The following ZNF609 variants were observed in gnomAD, a reference collection of about 807,000 sequenced individuals.
ZNF609 encodes the protein zinc finger protein 609.
In ZNF609, 11 loss-of-function variants were observed where a neutral mutation model predicts 109.5. The ratio of observed to expected loss-of-function variants is 0.10; its 90% CI spans 0.06 to 0.17. ZNF609 has a LOEUF of 0.17. ZNF609 is among the 10% of genes least tolerant of loss of function. ZNF609 has a pLI of 1.00. For synonymous variants in ZNF609, 646 were observed against 662.0 expected (o/e 0.98, Z 0.37); for missense variants, 1,559 against 1,772.4 (o/e 0.88, Z 2.16).
At chr15:64,636,857 C>T (rs534990331) in intron 3 of ZNF609, among the ~76,000 whole-genome samples, 4 of 152,310 alleles carry the variant, frequency 2.6e-5, no homozygotes, top group Admixed American at 6.5e-5. Flanking sequence ...TTCCCAGCCA[C>T]TTGTCTACAG....
chr15:64,612,839 A>G (rs573422351), intron 2 of ZNF609, among the ~76,000 whole-genome samples: 6 of 151,544 alleles, frequency 4.0e-5, no homozygotes, highest in African/African-American at 1.5e-4. Context: ...ACATGGTGAA[A>G]CTCTGTCTCT....
intron 2 of ZNF609, among the ~76,000 whole-genome samples, chr15:64,581,760 T>C (rs970442025): frequency 3.9e-5 from 6 of 152,200 alleles, no homozygotes; most frequent in Non-Finnish European, 8.8e-5. Context: ...CAATGTTTCT[T>C]ACTGATATTC....
chr15:64,636,343 G>A (rs1896175274), intron 3 of ZNF609, among the ~76,000 whole-genome samples: 1 of 152,082 alleles, frequency 6.6e-6, no homozygotes, highest in South Asian at 2.1e-4. Context: ...ATGACAAAAA[G>A]GCTATGGTGA....
intron 3 of ZNF609, among the ~76,000 whole-genome samples, chr15:64,645,149 G>A (rs1225092715): frequency 8.6e-6 from 1 of 115,616 alleles, no homozygotes; most frequent in Non-Finnish European, 1.6e-5. Flanking sequence ...GGAGTACAGT[G>A]GTGCAGTCTT....
At chr15:64,671,570 T>C (rs2141012407) in intron 4 of ZNF609, among the ~76,000 whole-genome samples, 1 of 152,310 alleles carries the variant, frequency 6.6e-6, no homozygotes, top group African/African-American at 2.4e-5. Flanking sequence ...CAAGGACCTT[T>C]TCATGTCGCA....
chr15:64,530,933 G>T (rs1894051598), intron 2 of ZNF609, among the ~76,000 whole-genome samples: 2 of 152,186 alleles, frequency 1.3e-5, no homozygotes, highest in Admixed American at 6.5e-5. Flanking sequence ...ACTTGGGTAG[G>T]AAAGAAAGAA....
chr15:64,667,739 C>T (rs1382042632), intron 3 of ZNF609, among the ~76,000 whole-genome samples: 1 of 151,498 alleles, frequency 6.6e-6, no homozygotes, highest in Non-Finnish European at 1.5e-5. Flanking sequence ...GAAAAAGAAA[C>T]ACAGATGCAA....
rs1332495362 is a variant in ZNF609, at chr15:64,465,058, G to A, written c.-128+4220G>A. Among the ~76,000 whole-genome samples, 3 of 152,250 alleles carry A rather than the reference G, an allele frequency of 2.0e-5. No individual in the cohort carries two copies. In the East Asian group the frequency reaches 5.8e-4, roughly 29 times the overall value. On this transcript the variant is annotated intron_variant, in intron 1 of 9. Transcript: ENST00000326648. ...GCATGCCCTAGACATGGCCCTACACGGCTCTATTGTATTTATGGGAGTTCT... is the reference window on the plus strand; with the variant it reads ...GCATGCCCTAGACATGGCCCTACACAGCTCTATTGTATTTATGGGAGTTCT...
intron 2 of ZNF609, among the ~76,000 whole-genome samples, chr15:64,562,090 A>G (rs1165261230): frequency 6.6e-6 from 1 of 152,250 alleles, no homozygotes; most frequent in Non-Finnish European, 1.5e-5. Context: ...CTTCAAAACT[A>G]GTAGATGCTG....
At chr15:64,627,872 C>G (rs931103817) in intron 3 of ZNF609, among the ~76,000 whole-genome samples, 2 of 150,700 alleles carry the variant, frequency 1.3e-5, no homozygotes, top group South Asian at 4.2e-4. Context: ...GTTGTGCAGA[C>G]TGGTCTCAAA....
At chr15:64,600,245 T>G (rs1256438884) in intron 2 of ZNF609, among the ~76,000 whole-genome samples, 2 of 150,906 alleles carry the variant, frequency 1.3e-5, no homozygotes, top group Non-Finnish European at 2.9e-5. Flanking sequence ...GGTCAGGAGA[T>G]CGAGACCATC....
intron 2 of ZNF609, among the ~76,000 whole-genome samples, chr15:64,509,059 T>A (rs1434204984): frequency 6.6e-6 from 1 of 152,202 alleles, no homozygotes; most frequent in Non-Finnish European, 1.5e-5. Flanking sequence ...TAAAGTTTGA[T>A]ATCTACTATT....
chr15:64,649,441 T>C (rs16948160), intron 3 of ZNF609, among the ~76,000 whole-genome samples: 7,034 of 152,114 alleles, frequency 0.046, 540 homozygotes, highest in African/African-American at 0.16. Context: ...GCTGGAAATT[T>C]GGGGAATCAC....
chr15:64,631,814 G>C (rs527968999), intron 3 of ZNF609: 10 of 175,966 alleles, frequency 5.7e-5, no homozygotes, highest in African/African-American at 2.4e-4. Context: ...AAAGTGCTGG[G>C]ATTACAGGCA....
chr15:64,529,089 C>T (rs1253852181), intron 2 of ZNF609: 4 of 980,606 alleles, frequency 4.1e-6, no homozygotes, highest in Non-Finnish European at 6.4e-6. Context: ...CATCACGTGA[C>T]AGTTTCCCGG....
chr15:64,511,745 C>T (rs1435040211), intron 2 of ZNF609, among the ~76,000 whole-genome samples: 11 of 146,650 alleles, frequency 7.5e-5, no homozygotes, highest in African/African-American at 1.3e-4. Context: ...GACTGAGTCT[C>T]GCTCTGTCGC....
intron 3 of ZNF609, among the ~76,000 whole-genome samples, chr15:64,666,237 C>G (rs1368269240): frequency 6.6e-6 from 1 of 150,948 alleles, no homozygotes; most frequent in African/African-American, 2.4e-5. Flanking sequence ...TTACTAAAAA[C>G]ACAAAAATCA....
chr15:64,573,313 G>A (rs1036042573), intron 2 of ZNF609, among the ~76,000 whole-genome samples: 1 of 134,524 alleles, frequency 7.4e-6, no homozygotes, highest in Non-Finnish European at 1.6e-5. Flanking sequence ...AGCAGTGCAA[G>A]TAATTCTGCA....
At position 64,667,712 on chromosome 15, in the gene ZNF609, C is replaced by A. The variant is rs79209252; in HGVS notation, c.974-2634C>A. Reference sequence around the variant, plus strand: ...GGGCAACAAGAGTGAAACTCTGTCTCAAAAAAAAAAGAAAAAGAAAAAGAA... The same window carrying A: ...GGGCAACAAGAGTGAAACTCTGTCTAAAAAAAAAAAGAAAAAGAAAAAGAA... On this transcript the variant is annotated intron_variant, in intron 3 of 9. Coordinates refer to ENST00000326648, the MANE Select transcript of ZNF609 (RefSeq NM_015042.2). Among the ~76,000 whole-genome samples, 29 of 145,892 alleles carry A rather than the reference C, an allele frequency of 2.0e-4. No individual in the cohort carries two copies. In the South Asian group the frequency reaches 2.2e-3, roughly 11 times the overall value.
Sources: gnomAD v4.1 joint callset for allele counts (sites outside exome capture counted in the v4.1 genomes callset) on GRCh38, gnomAD v4.1.1 for gene constraint, MANE v1.5 for transcripts, NCBI Gene and HGNC (gene_info 2026-07-23, HGNC 2026-07-21) for gene names.